Variants in ASAP3 observed in about 807,000 individuals in gnomAD.
ASAP3 encodes arf-GAP with SH3 domain, ANK repeat and PH domain-containing protein 3.
A neutral mutation model predicts 118.2 loss-of-function variants in ASAP3; 85 were observed. That is an observed-to-expected ratio of 0.72 (90% CI 0.60 to 0.86). ASAP3 has a LOEUF of 0.86. Ranked by LOEUF, ASAP3 falls within the 40% of genes least tolerant of loss-of-function variation. The pLI is 0.00. For synonymous variants in ASAP3, 432 were observed against 477.4 expected (o/e 0.90, Z 1.24); for missense variants, 1,026 against 1,175.0 (o/e 0.87, Z 1.85).
At chr1:23,434,233 G>A (rs1640549360) in intron 19 of ASAP3, 21 bp downstream of exon 19, 1 of 1,610,984 alleles carries the variant, frequency 6.2e-7, no homozygotes, top group Non-Finnish European at 8.5e-7. Flanking sequence ...GAGTCTGACG[G>A]AGGAGGTATT....
chr1:23,451,851 AAG>A (rs1338701856), intron 4 of ASAP3, among the ~76,000 whole-genome samples: 1 of 152,166 alleles, frequency 6.6e-6, no homozygotes, highest in African/African-American at 2.4e-5. Context: ...TCTTGCTCAG[AAG>A]AGAGATCAGT....
intron 17 of ASAP3, among the ~76,000 whole-genome samples, 171 bp from the exon 18 acceptor site, chr1:23,434,789 G>A (rs1640577130): frequency 2.0e-5 from 3 of 152,064 alleles, no homozygotes; most frequent in Admixed American, 2.0e-4. Flanking sequence ...AAGGTGAAGG[G>A]CCATTCTCCC....
At position 23,483,993 on chromosome 1, in the gene ASAP3, C is replaced by T. The variant is rs1022012993; in HGVS notation, c.129+12G>A. 1 of 1,282,974 alleles carries T rather than the reference C, an allele frequency of 7.8e-7. No individual in the cohort carries two copies. The highest frequency in any genetic ancestry group is 9.8e-7 in the Non-Finnish European group (1 of 1,016,194). 79.5% of individuals were successfully genotyped at this position (1,282,974 alleles called of 1,614,324 possible). ...CGCCGACCCCCGACCCCTCCCGCCT[C>T]GGCCCCCTCACCTCCTCCCGCGCCA... On this transcript the variant is annotated intron_variant, in intron 1 of 24. Coordinates refer to ENST00000336689, the MANE Select transcript of ASAP3 (RefSeq NM_017707.4).
chr1:23,446,986 C>T (rs1199078782), intron 5 of ASAP3, among the ~76,000 whole-genome samples: 1 of 152,156 alleles, frequency 6.6e-6, no homozygotes, highest in Non-Finnish European at 1.5e-5. Context: ...CTTAGATTCT[C>T]ATAAGGAGCA....
chr1:23,484,143 G>A lies in ASAP3; in HGVS notation c.-10C>T, dbSNP rs546024000. On this transcript the variant is annotated 5_prime_UTR_variant, in exon 1 of 25. Coordinates refer to ENST00000336689, the MANE Select transcript of ASAP3 (RefSeq NM_017707.4). Reference sequence around the variant, plus strand: ...TGAACTGCTCCGGCATGGCGGGCGCGAGCGTGGAGCTGCCGGAGCGGGGCG... The same window carrying A: ...TGAACTGCTCCGGCATGGCGGGCGCAAGCGTGGAGCTGCCGGAGCGGGGCG... 1.6e-6 allele frequency: 2 copies of A among 1,263,192 alleles called. No individual in the cohort carries two copies. The highest frequency in any genetic ancestry group is 3.1e-5 in the East Asian group (1 of 32,088). The allele number at this position is 1,263,192 out of a possible 1,614,324, so 78.2% of individuals were successfully genotyped here.
intron 1 of ASAP3, among the ~76,000 whole-genome samples, chr1:23,468,145 C>T (rs940746155): frequency 1.1e-4 from 17 of 152,028 alleles, no homozygotes; most frequent in African/African-American, 3.6e-4. Flanking sequence ...CCTGAGCTCA[C>T]ACAGCCAAAA....
chr1:23,483,331 G>C (rs1231170817), intron 1 of ASAP3, among the ~76,000 whole-genome samples: 1 of 152,230 alleles, frequency 6.6e-6, no homozygotes, highest in African/African-American at 2.4e-5. Flanking sequence ...GAAAGCTGCA[G>C]CAGGTTCAGA....
chr1:23,473,971 GCT>G (rs1252164492), intron 1 of ASAP3, among the ~76,000 whole-genome samples: 2 of 89,616 alleles, frequency 2.2e-5, no homozygotes, highest in South Asian at 5.1e-4. Flanking sequence ...CATTAAATCT[GCT>G]CTTTTTTTTT....
intron 1 of ASAP3, among the ~76,000 whole-genome samples, chr1:23,463,927 G>C (rs1480838080): frequency 6.6e-6 from 1 of 152,046 alleles, no homozygotes; most frequent in Non-Finnish European, 1.5e-5. Flanking sequence ...GAGGCTTAAT[G>C]AGATCACAAA....
chr1:23,452,673 A>G (rs547121658), intron 4 of ASAP3, 24 bp downstream of exon 4: 1 of 1,608,242 alleles, frequency 6.2e-7, no homozygotes, highest in Non-Finnish European at 8.5e-7. Context: ...CTGTCCCACC[A>G]CCACTCCCAG....
chr1:23,440,934 A>G (rs550225073), intron 10 of ASAP3, among the ~76,000 whole-genome samples, 168 bp downstream of exon 10: 2 of 152,044 alleles, frequency 1.3e-5, no homozygotes, highest in Non-Finnish European at 2.9e-5. Context: ...CTTTAGCAGA[A>G]GTTCACATGC....
At chr1:23,431,625 G>T in intron 23 of ASAP3, 71 bp downstream of exon 23, 3 of 1,353,242 alleles carry the variant, frequency 2.2e-6, no homozygotes, top group African/African-American at 1.5e-5. Flanking sequence ...CTATTTAGAG[G>T]TGTGGAAATC....
At chr1:23,484,206 A>T, upstream of ASAP3, 1 of 1,205,454 alleles carries the variant, frequency 8.3e-7, no homozygotes, top group East Asian at 3.4e-5. Context: ...AGCCGGCCTC[A>T]CCGCCGGCCG....
chr1:23,472,425 T>G (rs2148658830), intron 1 of ASAP3, among the ~76,000 whole-genome samples: 1 of 152,272 alleles, frequency 6.6e-6, no homozygotes, highest in South Asian at 2.1e-4. Context: ...TCCTCCCACC[T>G]TGGCGTCCCA....
intron 5 of ASAP3, among the ~76,000 whole-genome samples, chr1:23,449,285 T>C (rs1298445442): frequency 6.6e-6 from 1 of 152,214 alleles, no homozygotes; most frequent in African/African-American, 2.4e-5. Flanking sequence ...ACCGTGCTTA[T>C]TCATCGCCGC....
rs769725912 is a variant in ASAP3 at position 23,442,590 on chromosome 1, C to T, written c.496G>A (p.Asp166Asn). 1.2e-5 allele frequency: 20 copies of T among 1,613,992 alleles called. No homozygotes were observed. The highest frequency in any genetic ancestry group is 5.0e-5 in the Admixed American group (3 of 60,004). Residue 166 changes from aspartate (D) to asparagine (N), a missense_variant, in exon 6 of 25, where the codon GAT becomes AAT. Transcript: ENST00000336689. Reference sequence around the variant, plus strand: ...ATCCCTCCTGTCACCCTGGCCCGATCGCGCTCCTTCTCCAGCTTGGCCCTA... The same window carrying T: ...ATCCCTCCTGTCACCCTGGCCCGATTGCGCTCCTTCTCCAGCTTGGCCCTA... ...AKMAKLEKER[D>N]RARVTGGIPG... is the part of the protein sequence containing the mutation.
intron 1 of ASAP3, among the ~76,000 whole-genome samples, chr1:23,482,695 T>C (rs1355873034): frequency 6.6e-6 from 1 of 151,922 alleles, no homozygotes; most frequent in Non-Finnish European, 1.5e-5. Context: ...ACGCCTGTAA[T>C]CCCAGCACTT....
At chr1:23,435,799 G>C (rs1234723244) in intron 17 of ASAP3, 52 bp downstream of exon 17, 6 of 1,601,252 alleles carry the variant, frequency 3.7e-6, no homozygotes, top group Non-Finnish European at 5.1e-6. Flanking sequence ...GAGAAGAACT[G>C]GGGAATATGT....
At chr1:23,433,003 CA>C in intron 22 of ASAP3, 73 bp downstream of exon 22, 1 of 1,555,430 alleles carries the variant, frequency 6.4e-7, no homozygotes, top group Non-Finnish European at 8.8e-7. Flanking sequence ...CATATGCACT[CA>C]GCTCAGTGCC....
Sources: gnomAD v4.1 joint callset for allele counts (sites outside exome capture counted in the v4.1 genomes callset) on GRCh38, gnomAD v4.1.1 for gene constraint, MANE v1.5 for transcripts, NCBI Gene and HGNC (gene_info 2026-07-23, HGNC 2026-07-21) for gene names.